The following NCKAP5 variants were observed in gnomAD, a reference collection of about 807,000 sequenced individuals.
NCKAP5 encodes NCK associated protein 5, also known as nck-associated protein 5.
NCKAP5 carries 92 observed loss-of-function variants against 167.0 expected under a neutral mutation model. That is an observed-to-expected ratio of 0.55 (90% CI 0.47 to 0.66). NCKAP5 has a LOEUF of 0.66. Ranked by LOEUF, NCKAP5 falls within the 30% of genes least tolerant of loss-of-function variation. The pLI is 0.00. For missense variants in NCKAP5, 2,378 were observed against 2,315.0 expected, an observed-to-expected ratio of 1.03 and a Z score of -0.56; for synonymous variants, 891 against 877.4, an observed-to-expected ratio of 1.02 and a Z score of -0.27.
At chr2:133,253,059 C>T (rs2088432396) in intron 4 of NCKAP5, among the ~76,000 whole-genome samples, 2 of 152,194 alleles carry the variant, frequency 1.3e-5, no homozygotes, top group Non-Finnish European at 2.9e-5. Context: ...AAGATGCCAA[C>T]CTCACCAAGA....
chr2:132,823,731 G>C (rs745619957), intron 11 of NCKAP5, among the ~76,000 whole-genome samples: 1 of 152,100 alleles, frequency 6.6e-6, no homozygotes, highest in Non-Finnish European at 1.5e-5. Context: ...AATGTAAATA[G>C]CCTAAATGCT....
chr2:132,909,968 T>TA (rs1160448184), intron 8 of NCKAP5, among the ~76,000 whole-genome samples: 2 of 152,224 alleles, frequency 1.3e-5, no homozygotes, highest in Non-Finnish European at 2.9e-5. Flanking sequence ...AGTGCAGTCA[T>TA]TATGCCCATT....
At chr2:133,304,312 C>T (rs1214071765) in intron 3 of NCKAP5, among the ~76,000 whole-genome samples, 1 of 152,126 alleles carries the variant, frequency 6.6e-6, no homozygotes, top group Non-Finnish European at 1.5e-5. Context: ...GCCTTTTTTA[C>T]CTTCCCAAAA....
intron 8 of NCKAP5, chr2:132,954,733 C>T (rs1033951805): frequency 6.7e-6 from 3 of 449,044 alleles, no homozygotes; most frequent in South Asian, 4.8e-5. Context: ...AATATATATG[C>T]TGAAATGCCA....
intron 19 of NCKAP5, among the ~76,000 whole-genome samples, chr2:132,688,920 A>C (rs1686334233): frequency 7.5e-6 from 1 of 133,292 alleles, no homozygotes; most frequent in African/African-American, 2.8e-5. Flanking sequence ...CAGGAGATTG[A>C]GGCTACAGTG....
At chr2:133,357,282 T>G (rs952912410) in intron 3 of NCKAP5, among the ~76,000 whole-genome samples, 4 of 76,322 alleles carry the variant, frequency 5.2e-5, no homozygotes, top group African/African-American at 2.1e-4. Context: ...GTCACACACA[T>G]ACACAGACAC....
At chr2:132,717,722 A>G (rs577497604) in intron 19 of NCKAP5, among the ~76,000 whole-genome samples, 1 of 152,258 alleles carries the variant, frequency 6.6e-6, no homozygotes, top group East Asian at 1.9e-4. Context: ...TTTTAACTCA[A>G]CTTCCCTGGC....
At chr2:133,458,701 A>G (rs1489788083) in intron 3 of NCKAP5, among the ~76,000 whole-genome samples, 1 of 152,040 alleles carries the variant, frequency 6.6e-6, no homozygotes, top group African/African-American at 2.4e-5. Flanking sequence ...TTATGGATAC[A>G]TTTTCCTGGA....
chr2:133,163,011 A>AG (rs2083861165), intron 5 of NCKAP5, among the ~76,000 whole-genome samples: 2 of 152,330 alleles, frequency 1.3e-5, no homozygotes, highest in Admixed American at 1.3e-4. Flanking sequence ...CTGCCCAAGG[A>AG]AACTCCAATA....
At chr2:132,689,795 A>G (rs1240034292) in intron 19 of NCKAP5, among the ~76,000 whole-genome samples, 4 of 152,188 alleles carry the variant, frequency 2.6e-5, no homozygotes, top group Non-Finnish European at 5.9e-5. Flanking sequence ...GTGTATTTAT[A>G]CATGGGAAAT....
intron 6 of NCKAP5, among the ~76,000 whole-genome samples, chr2:133,042,923 G>C (rs2079263430): frequency 1.3e-5 from 2 of 152,142 alleles, no homozygotes; most frequent in Admixed American, 6.5e-5. Context: ...TATCAAATAT[G>C]TCAAAAAATT....
At chr2:132,689,167 T>G (rs1195921206) in intron 19 of NCKAP5, among the ~76,000 whole-genome samples, 1 of 151,854 alleles carries the variant, frequency 6.6e-6, no homozygotes, top group African/African-American at 2.4e-5. Context: ...AACATGTGGG[T>G]GAATACAACC....
intron 11 of NCKAP5, among the ~76,000 whole-genome samples, chr2:132,798,992 G>A (rs79969031): frequency 8.5e-5 from 13 of 152,144 alleles, no homozygotes; most frequent in South Asian, 6.2e-4. Flanking sequence ...GCAAAGACAC[G>A]GAATCAACCT....
intron 4 of NCKAP5, among the ~76,000 whole-genome samples, chr2:133,290,810 G>C (rs964194064): frequency 1.1e-4 from 15 of 142,638 alleles, no homozygotes; most frequent in Admixed American, 6.9e-4. Flanking sequence ...CTGGAGTACA[G>C]TGGCAGGAAC....
the NCKAP5 span, among the ~76,000 whole-genome samples, chr2:133,628,464 C>T: frequency 2.0e-5 from 3 of 152,118 alleles, no homozygotes; most frequent in African/African-American, 7.2e-5. Flanking sequence ...TCGAGGATAA[C>T]CACAAACCAC....
chr2:133,044,674 T>C (rs1414999007), intron 6 of NCKAP5, among the ~76,000 whole-genome samples: 4 of 152,142 alleles, frequency 2.6e-5, no homozygotes, highest in African/African-American at 9.7e-5. Flanking sequence ...TAATAAGACC[T>C]AGTAAAGTTG....
chr2:132,942,743 G>A (rs1004207662), intron 8 of NCKAP5, among the ~76,000 whole-genome samples: 15 of 152,090 alleles, frequency 9.9e-5, no homozygotes, highest in African/African-American at 2.9e-4. Flanking sequence ...CAGGTATTCC[G>A]CTACATCAAG....
chr2:132,857,091 T>C (rs113763608), intron 11 of NCKAP5, among the ~76,000 whole-genome samples: 5 of 152,276 alleles, frequency 3.3e-5, no homozygotes, highest in African/African-American at 1.2e-4. Flanking sequence ...AGCACTACTA[T>C]GTATTTGGTA....
intron 8 of NCKAP5, among the ~76,000 whole-genome samples, chr2:132,886,623 T>G (rs910466322): frequency 2.0e-5 from 3 of 152,242 alleles, no homozygotes; most frequent in Non-Finnish European, 4.4e-5. Flanking sequence ...TCTTGATACT[T>G]TTCAAAAGTA....
Sources: gnomAD v4.1 joint callset for allele counts (sites outside exome capture counted in the v4.1 genomes callset) on GRCh38, gnomAD v4.1.1 for gene constraint, MANE v1.5 for transcripts, NCBI Gene and HGNC (gene_info 2026-07-23, HGNC 2026-07-21) for gene names.